ADAMTS17: variants seen among roughly 807,000 people sequenced by gnomAD.
The protein encoded by ADAMTS17 is A disintegrin and metalloproteinase with thrombospondin motifs 17.
Under a neutral mutation model 141.5 loss-of-function variants are expected in ADAMTS17, and 113 were observed. The ratio of observed to expected loss-of-function variants is 0.80; its 90% confidence interval spans 0.69 to 0.93. The LOEUF is 0.93. Among genes scored for constraint, ADAMTS17 ranks in the 40% least tolerant of loss-of-function variants. The pLI is 0.00. For missense variants in ADAMTS17, 1,659 were observed against 1,517.9 expected (o/e 1.09, Z -1.54); for synonymous variants, 768 against 630.6 (o/e 1.22, Z -3.27).
intron 10 of ADAMTS17, among the ~76,000 whole-genome samples, chr15:100,135,955 T>C (rs62038613): frequency 0.25 from 38,015 of 152,162 alleles, 4,898 homozygotes; most frequent in African/African-American, 0.3. Flanking sequence ...TGGGGCACAA[T>C]GGGTCCTTTT....
At chr15:100,291,245 G>A (rs7403577) in intron 3 of ADAMTS17, among the ~76,000 whole-genome samples, 2,506 of 152,228 alleles carry the variant, frequency 0.016, 34 homozygotes, top group East Asian at 0.072. Flanking sequence ...CATATGAAAA[G>A]TTACTCAACA....
chr15:100,250,860 G>C (rs573744023), intron 7 of ADAMTS17, among the ~76,000 whole-genome samples: 3 of 152,110 alleles, frequency 2.0e-5, no homozygotes, highest in East Asian at 3.9e-4. Flanking sequence ...TACTCTTTTG[G>C]CAATGATCAT....
At chr15:100,046,973 T>C (rs1015630915) in intron 18 of ADAMTS17, among the ~76,000 whole-genome samples, 1 of 152,152 alleles carries the variant, frequency 6.6e-6, no homozygotes, top group Non-Finnish European at 1.5e-5. Context: ...CCATATTTCT[T>C]TTCTTTCTAA....
chr15:100,211,613 G>C (rs2041812527), intron 7 of ADAMTS17, among the ~76,000 whole-genome samples: 2 of 152,154 alleles, frequency 1.3e-5, no homozygotes, highest in Non-Finnish European at 1.5e-5. Flanking sequence ...TCATAAAAAA[G>C]ATTGGGCTAT....
intron 12 of ADAMTS17, among the ~76,000 whole-genome samples, chr15:100,124,005 C>G (rs1448858006): frequency 1.3e-5 from 2 of 150,986 alleles, no homozygotes; most frequent in Non-Finnish European, 2.9e-5. Flanking sequence ...GCTCTGTCAT[C>G]CAGGCTGGAG....
chr15:100,287,278 A>T (rs2044477225), intron 3 of ADAMTS17, among the ~76,000 whole-genome samples: 1 of 152,230 alleles, frequency 6.6e-6, no homozygotes, highest in Non-Finnish European at 1.5e-5. Flanking sequence ...AGGATACACC[A>T]AGTTGAGGAA....
At chr15:100,206,920 C>T (rs866462053) in intron 7 of ADAMTS17, among the ~76,000 whole-genome samples, 1 of 152,160 alleles carries the variant, frequency 6.6e-6, no homozygotes, top group Admixed American at 6.5e-5. Context: ...GGCAGGGCCA[C>T]GAGCGGAGGC....
At chr15:100,225,265 G>A (rs117973122) in intron 7 of ADAMTS17, among the ~76,000 whole-genome samples, 2 of 152,352 alleles carry the variant, frequency 1.3e-5, no homozygotes, top group East Asian at 3.9e-4. Context: ...AGTTGGGGAA[G>A]AACATACAAA....
intron 3 of ADAMTS17, among the ~76,000 whole-genome samples, chr15:100,296,580 G>GTGTGTGTGTGT (rs1555504074): frequency 9.3e-6 from 1 of 107,918 alleles, no homozygotes; most frequent in African/African-American, 4.0e-5. Context: ...GGTGAGGGGG[G>GTGTGTGTGTGT]GTGTGTGTGT....
intron 18 of ADAMTS17, among the ~76,000 whole-genome samples, chr15:100,008,671 G>A (rs1414655675): frequency 6.6e-6 from 1 of 152,216 alleles, no homozygotes; most frequent in Non-Finnish European, 1.5e-5. Flanking sequence ...TCCTGTCCCA[G>A]GGAGACTTGG....
Position 100,039,785 on chromosome 15 carries a change from C to T in ADAMTS17, c.2591+9072G>A, listed in dbSNP as rs888130204. On this transcript the variant is annotated intron_variant, in intron 18 of 21. Coordinates refer to ENST00000268070, the MANE Select transcript of ADAMTS17 (RefSeq NM_139057.4). Reference sequence around the variant, plus strand: ...AGTCTTCTATTTCCTTGTTGATACACCTTGTTTTTAAAATCCACTACTGAA... The same window carrying T: ...AGTCTTCTATTTCCTTGTTGATACATCTTGTTTTTAAAATCCACTACTGAA... Among the ~76,000 whole-genome samples, 3 of 152,108 alleles carry T rather than the reference C, an allele frequency of 2.0e-5. No homozygotes were observed. In the South Asian group the frequency reaches 6.2e-4, roughly 32 times the overall value.
chr15:100,135,255 C>G (rs2038267595), intron 10 of ADAMTS17, among the ~76,000 whole-genome samples: 1 of 151,626 alleles, frequency 6.6e-6, no homozygotes. Flanking sequence ...AGTAAGAAAA[C>G]TAATGAATTA....
At chr15:100,059,789 G>A (rs2032973433) in intron 15 of ADAMTS17, among the ~76,000 whole-genome samples, 2 of 152,288 alleles carry the variant, frequency 1.3e-5, no homozygotes, top group East Asian at 1.9e-4. Context: ...GGTCTGCAAA[G>A]GCCTATGAGG....
chr15:99,984,431 GCA>G (rs1403172391), intron 20 of ADAMTS17, among the ~76,000 whole-genome samples: 4 of 152,224 alleles, frequency 2.6e-5, no homozygotes, highest in Non-Finnish European at 4.4e-5. Flanking sequence ...GGGGACTGAA[GCA>G]CACTCGAGGG....
At chr15:100,181,230 G>A (rs911350271) in intron 8 of ADAMTS17, among the ~76,000 whole-genome samples, 16 of 152,180 alleles carry the variant, frequency 1.1e-4, no homozygotes, top group African/African-American at 3.6e-4. Flanking sequence ...CTCTGGCCCA[G>A]AACAGTCCAG....
chr15:100,313,068 G>GCT (rs1288512602), intron 3 of ADAMTS17, among the ~76,000 whole-genome samples: 1 of 152,170 alleles, frequency 6.6e-6, no homozygotes, highest in African/African-American at 2.4e-5. Context: ...ATCTGAGATG[G>GCT]CTCCACGGGG....
chr15:100,174,625 T>C (rs1191145401), intron 8 of ADAMTS17, among the ~76,000 whole-genome samples: 1 of 152,240 alleles, frequency 6.6e-6, no homozygotes, highest in East Asian at 1.9e-4. Context: ...AAATTATAGC[T>C]TCTTGCAGTA....
At chr15:100,018,093 G>A (rs915094589) in intron 18 of ADAMTS17, among the ~76,000 whole-genome samples, 15 of 152,100 alleles carry the variant, frequency 9.9e-5, no homozygotes, top group Non-Finnish European at 2.9e-5. Flanking sequence ...CCTAGCTCCT[G>A]GCAACCACCA....
chr15:100,163,379 C>T (rs993049949), intron 8 of ADAMTS17, among the ~76,000 whole-genome samples: 1 of 152,194 alleles, frequency 6.6e-6, no homozygotes, highest in Non-Finnish European at 1.5e-5. Flanking sequence ...GGGTTTCTTG[C>T]TGCAAGCACC....
Sources: gnomAD v4.1 joint callset for allele counts (sites outside exome capture counted in the v4.1 genomes callset) on GRCh38, gnomAD v4.1.1 for gene constraint, MANE v1.5 for transcripts, NCBI Gene and HGNC (gene_info 2026-07-23, HGNC 2026-07-21) for gene names.